CCDC80: variants seen among roughly 807,000 people sequenced by gnomAD.
CCDC80 encodes coiled-coil domain-containing protein 80.
In CCDC80, 49 loss-of-function variants were observed where a neutral mutation model predicts 78.7. That is an observed-to-expected ratio of 0.62 (90% CI 0.50 to 0.79). The LOEUF is 0.79. Ranked by LOEUF, CCDC80 falls within the 30% of genes least tolerant of loss-of-function variation. The pLI is 0.00. For synonymous variants in CCDC80, 488 were observed against 447.0 expected, an observed-to-expected ratio of 1.09 and a Z score of -1.16; for missense variants, 1,205 against 1,198.6, an observed-to-expected ratio of 1.01 and a Z score of -0.08.
chr3:112,629,542 A>G (rs1206259418), intron 3 of CCDC80, among the ~76,000 whole-genome samples: 1 of 152,208 alleles, frequency 6.6e-6, no homozygotes, highest in East Asian at 1.9e-4. Flanking sequence ...CACCATTCAT[A>G]TGTAAAATTG....
chr3:112,629,809 G>A (rs1056467981), intron 3 of CCDC80, among the ~76,000 whole-genome samples: 1 of 152,194 alleles, frequency 6.6e-6, no homozygotes, highest in Non-Finnish European at 1.5e-5. Context: ...CCCAGAAAAA[G>A]TGTCTGAATG....
intron 5 of CCDC80, among the ~76,000 whole-genome samples, chr3:112,615,067 C>G (rs1420806947): frequency 1.3e-5 from 2 of 152,146 alleles, no homozygotes; most frequent in African/African-American, 4.8e-5. Context: ...TGCTTGCTAT[C>G]GTTTTTAATT....
chr3:112,622,993 A>G (rs1559878479), intron 3 of CCDC80, among the ~76,000 whole-genome samples: 2 of 152,044 alleles, frequency 1.3e-5, no homozygotes, highest in African/African-American at 4.8e-5. Context: ...AAAAATCTTT[A>G]GGAAACATTC....
At chr3:112,632,397 T>C (rs1936116128) in intron 2 of CCDC80, among the ~76,000 whole-genome samples, 1 of 152,198 alleles carries the variant, frequency 6.6e-6, no homozygotes, top group African/African-American at 2.4e-5. Context: ...AGAATATATT[T>C]AGAGGAGTTT....
chr3:112,609,991 C>T lies in CCDC80; in HGVS notation c.2412G>A (p.Gln804=). 5 of 1,613,594 alleles carry T rather than the reference C, an allele frequency of 3.1e-6. No homozygotes were observed. The highest frequency in any genetic ancestry group is 3.4e-6 in the Non-Finnish European group (4 of 1,179,820). The change falls in exon 6 of 8, where the codon CAG becomes CAA. Residue 804 remains glutamine (Q), a synonymous_variant. Coordinates refer to ENST00000206423, the MANE Select transcript of CCDC80 (RefSeq NM_199511.3). ...CTTCCCACTCACCAAAATTGCACGC[C>T]TGACCACTGAGGGCAGAGAGCTGCT... ...YSQQLSALSG[Q]ACNFGLRHIT...
In CCDC80 at chr3:112,599,687, C is replaced by T. The variant is rs952219482; in HGVS notation, c.*5730G>A. 2 of 152,296 alleles carry T rather than the reference C, an allele frequency of 1.3e-5. No homozygotes were observed. Among genetic ancestry groups the T allele is most frequent in the African/African-American group, 4.8e-5 (2 of 41,462 alleles). 9.4% of individuals were successfully genotyped at this position (152,296 alleles called of 1,614,324 possible). On this transcript the variant is annotated 3_prime_UTR_variant, in exon 8 of 8. Transcript: ENST00000206423. Reference sequence around the variant, plus strand: ...CGGGCTGCTTCCATCCTCCAGGCTTCTAGAAGTTGAGAAAGTATGAGCTTC... The same window carrying T: ...CGGGCTGCTTCCATCCTCCAGGCTTTTAGAAGTTGAGAAAGTATGAGCTTC...
chr3:112,626,523 T>C (rs1373956227), intron 3 of CCDC80, among the ~76,000 whole-genome samples: 15 of 152,132 alleles, frequency 9.9e-5, no homozygotes, highest in Non-Finnish European at 1.6e-4. Flanking sequence ...TATACTATCA[T>C]TCTCATTTTG....
chr3:112,628,067 T>C (rs568384548), intron 3 of CCDC80, among the ~76,000 whole-genome samples: 94 of 152,274 alleles, frequency 6.2e-4, no homozygotes, highest in African/African-American at 2.1e-3. Context: ...GTGAAAGTGT[T>C]GGTAGGTAAC....
intron 2 of CCDC80, among the ~76,000 whole-genome samples, chr3:112,631,201 G>T (rs1936090701): frequency 6.6e-6 from 1 of 152,122 alleles, no homozygotes; most frequent in Non-Finnish European, 1.5e-5. Context: ...CTACTCTCTT[G>T]ATTAATTTAG....
In CCDC80 at chr3:112,597,419, T is replaced by G. The variant is rs940436409; in HGVS notation, c.*7998A>C. ...ACTGCAGAGCTTCTTCACGTTGGAATGGTGAATAGGTACACATTTCTCAAA... is the reference window on the plus strand; with the variant it reads ...ACTGCAGAGCTTCTTCACGTTGGAAGGGTGAATAGGTACACATTTCTCAAA... On this transcript the variant is annotated 3_prime_UTR_variant, in exon 8 of 8. Coordinates refer to ENST00000206423, the MANE Select transcript of CCDC80 (RefSeq NM_199511.3). 1 of 152,240 alleles carries G rather than the reference T, an allele frequency of 6.6e-6. No homozygotes were observed. Among genetic ancestry groups the G allele is most frequent in the Non-Finnish European group, 1.5e-5 (1 of 68,038 alleles). 9.4% of individuals were successfully genotyped at this position (152,240 alleles called of 1,614,324 possible).
At chr3:112,623,148 T>C (rs1935902008) in intron 3 of CCDC80, among the ~76,000 whole-genome samples, 1 of 152,158 alleles carries the variant, frequency 6.6e-6, no homozygotes, top group African/African-American at 2.4e-5. Flanking sequence ...CTGGCCCTAG[T>C]AGTAAGACAT....
chr3:112,606,652 T>C lies in CCDC80; in HGVS notation c.2506+524A>G, dbSNP rs568699526. On this transcript the variant is annotated intron_variant, in intron 7 of 7. Coordinates refer to ENST00000206423, the MANE Select transcript of CCDC80 (RefSeq NM_199511.3). Reference sequence around the variant, plus strand: ...GTTGGCCAGGCTGGTTTCGAACTCCTGACCTCAAGTGTTCTGCCCACCTCG... The same window carrying C: ...GTTGGCCAGGCTGGTTTCGAACTCCCGACCTCAAGTGTTCTGCCCACCTCG... 2.6e-5 allele frequency among the ~76,000 whole-genome samples: 4 copies of C among 151,610 alleles called. No homozygotes were observed. The South Asian group carries it at 8.4e-4, about 32-fold the overall frequency.
At chr3:112,622,822 A>ATTTTTTTTTTTTTTTTTTTT (rs373170477) in intron 3 of CCDC80, among the ~76,000 whole-genome samples, 2 of 118,894 alleles carry the variant, frequency 1.7e-5, no homozygotes, top group African/African-American at 3.5e-5. Context: ...TGCCCAGCTA[A>ATTTTTTTTTTTTTTTTTTTT]TTTTTTTTTT....
intron 3 of CCDC80, among the ~76,000 whole-genome samples, chr3:112,625,459 T>C (rs1370801055): frequency 6.6e-6 from 1 of 152,194 alleles, no homozygotes; most frequent in African/African-American, 2.4e-5. Context: ...TGTTCATATA[T>C]AGCTCTATGT....
chr3:112,637,829 G>A (rs1936236652), intron 2 of CCDC80, among the ~76,000 whole-genome samples, 199 bp downstream of exon 2: 1 of 152,178 alleles, frequency 6.6e-6, no homozygotes, highest in South Asian at 2.1e-4. Flanking sequence ...AGTTGTGTGA[G>A]CAGAACTTCA....
Position 112,610,088 on chromosome 3 carries a change from A to G in CCDC80, c.2322-7T>C, listed in dbSNP as rs764349419. 1.2e-6 allele frequency: 2 copies of G among 1,613,240 alleles called. No homozygotes were observed. Among genetic ancestry groups the G allele is most frequent in the Non-Finnish European group, 1.7e-6 (2 of 1,179,246 alleles). On this transcript the variant is annotated splice_region_variant and splice_polypyrimidine_tract_variant and intron_variant, in intron 5 of 7. Coordinates refer to ENST00000206423, the MANE Select transcript of CCDC80 (RefSeq NM_199511.3). ...CCTCCTCCTCCACCGGAACCTGGAA[A>G]AAAAAAGCAGGACACCATTACTGCT...
intron 5 of CCDC80, among the ~76,000 whole-genome samples, chr3:112,615,507 G>A (rs1935714950): frequency 1.3e-5 from 2 of 152,050 alleles, no homozygotes; most frequent in African/African-American, 4.8e-5. Flanking sequence ...CTACATCGGG[G>A]GAGGGGAGGG....
rs763330905 is a variant in CCDC80 at position 112,605,477 on chromosome 3, C to T, written c.2793G>A (p.Gln931=). The change falls in exon 8 of 8, where the codon CAG becomes CAA. Residue 931 remains glutamine (Q), a synonymous_variant. Transcript: ENST00000206423. ...YGYHSYHQGY[Q]DGYQDDYRHH... The stretch of plus-strand genomic sequence containing the variant: ...GACGGTAGTCATCCTGGTAACCATC[C>T]TGGTATCCTTGGTGGTAACTATGGT... 23 of 1,614,126 alleles carry T rather than the reference C, an allele frequency of 1.4e-5. 1 individual carries two copies. In the South Asian group the frequency reaches 1.9e-4, roughly 13 times the overall value.
chr3:112,617,784 A>C (rs1259497379), intron 4 of CCDC80, among the ~76,000 whole-genome samples: 3 of 152,224 alleles, frequency 2.0e-5, no homozygotes, highest in Admixed American at 1.3e-4. Context: ...CCCATTTCAC[A>C]TGGTTTCAGA....
Sources: allele counts gnomAD v4.1 joint callset (sites outside exome capture counted in the v4.1 genomes callset), GRCh38; gene constraint gnomAD v4.1.1; transcripts MANE v1.5; gene names NCBI Gene and HGNC (gene_info 2026-07-23, HGNC 2026-07-21).